Variants in MINPP1 observed in about 807,000 individuals in gnomAD.
The protein encoded by MINPP1 is multiple inositol polyphosphate phosphatase 1.
A neutral mutation model predicts 46.1 loss-of-function variants in MINPP1; 28 were observed. The observed-to-expected ratio is 0.61, with a 90% CI of 0.45 to 0.83. The LOEUF (loss-of-function observed/expected upper bound fraction) is 0.83. Ranked by LOEUF, MINPP1 falls within the 40% of genes least tolerant of loss-of-function variation. The pLI is 0.00. For synonymous variants in MINPP1, 268 were observed against 249.1 expected (o/e 1.08, Z -0.72); for missense variants, 603 against 610.0 (o/e 0.99, Z 0.12).
chr10:87,521,979 C>G (rs905252143), intron 4 of MINPP1, among the ~76,000 whole-genome samples: 1 of 152,132 alleles, frequency 6.6e-6, no homozygotes, highest in Non-Finnish European at 1.5e-5. Context: ...GCCACTGCAC[C>G]CAGCTGAGCA....
At chr10:87,511,844 C>T (rs1048730605) in intron 2 of MINPP1, among the ~76,000 whole-genome samples, 1 of 152,282 alleles carries the variant, frequency 6.6e-6, no homozygotes, top group East Asian at 1.9e-4. Context: ...CTGGTACTTA[C>T]AAGCCACTAT....
intron 4 of MINPP1, among the ~76,000 whole-genome samples, chr10:87,528,242 T>A (rs184482593): frequency 6.6e-6 from 1 of 152,220 alleles, no homozygotes; most frequent in African/African-American, 2.4e-5. Context: ...ATATCTTGCC[T>A]TCTGCTAGCT....
At chr10:87,550,107 T>TATATA (rs1428334243) in intron 4 of MINPP1, among the ~76,000 whole-genome samples, 1 of 152,214 alleles carries the variant, frequency 6.6e-6, no homozygotes, top group Admixed American at 6.5e-5. Context: ...GATTATGGTC[T>TATATA]TACGGGTATA....
Position 87,505,541 on chromosome 10 carries a change from CG to C in MINPP1, c.628del (p.Asp210ThrfsTer16), listed in dbSNP as rs1166976225. On this transcript the variant is annotated frameshift_variant, in exon 1 of 5. Coordinates refer to ENST00000371996, the MANE Select transcript of MINPP1 (RefSeq NM_004897.5). LOFTEE classifies it high-confidence loss of function. This position sits in a 1 kb window ranked among gnomAD's most constrained non-coding sequence, Gnocchi z 4.4. Reference sequence around the variant, plus strand: ...CACTACCACCCTGGCTTGCCGCCGCCGGACGTCGCAGGTGACCCCCCGGGCG... The same window carrying C: ...CACTACCACCCTGGCTTGCCGCCGCCGACGTCGCAGGTGACCCCCCGGGCG... The part of the protein sequence containing the change: ...WQHYHPGLPP[P>X]DVADMEFGPP... The C allele has an allele frequency of 6.2e-7, 1 of 1,606,582 alleles. No individual in the cohort carries two copies. The highest frequency in any genetic ancestry group is 8.5e-7 in the Non-Finnish European group (1 of 1,179,064).
chr10:87,518,046 A>G (rs1589373026), intron 3 of MINPP1, among the ~76,000 whole-genome samples: 4 of 125,254 alleles, frequency 3.2e-5, no homozygotes, highest in Admixed American at 2.7e-4. Flanking sequence ...TGCAAGCTCC[A>G]CCTCCCGGGT....
chr10:87,525,891 T>C (rs1851569793), intron 4 of MINPP1, among the ~76,000 whole-genome samples: 1 of 152,272 alleles, frequency 6.6e-6, no homozygotes, highest in South Asian at 2.1e-4. Flanking sequence ...GAACTCATCC[T>C]TTTTTATGGC....
chr10:87,508,508 A>C lies in MINPP1; in HGVS notation c.810A>C (p.Gln270His). 2 of 1,613,710 alleles carry C rather than the reference A, an allele frequency of 1.2e-6. No homozygotes were observed. The highest frequency in any genetic ancestry group is 1.7e-6 in the Non-Finnish European group (2 of 1,179,692). ...TAAAAAAAGTTGCAGCTACTTTGCAAGTGCCAGTAAATGATTTAAATGCAG... is the reference window on the plus strand; with the variant it reads ...TAAAAAAAGTTGCAGCTACTTTGCACGTGCCAGTAAATGATTTAAATGCAG... ...NILKKVAATL[Q>H]VPVNDLNADL... Residue 270 changes from glutamine (Q) to histidine (H), a missense_variant, in exon 2 of 5, where the codon CAA (glutamine) becomes CAC (histidine). Gln to His is a conservative substitution (Grantham distance 24). This residue lies in a region of MINPP1 where 344 missense variants were observed against 381.1 expected (regional missense o/e 0.90). Transcript: ENST00000371996.
At chr10:87,546,642 A>G (rs1324186736) in intron 4 of MINPP1, 3 of 152,230 alleles carry the variant, frequency 2.0e-5, no homozygotes, top group East Asian at 3.8e-4. Context: ...TTAAGAAACA[A>G]TCAGCTAGGT....
intron 1 of MINPP1, 71 bp from the exon 2 acceptor site, chr10:87,508,265 A>G: frequency 1.3e-6 from 2 of 1,583,738 alleles, no homozygotes; most frequent in Non-Finnish European, 1.7e-6. Context: ...CACACTTAAC[A>G]TTTTCAATAA....
chr10:87,542,002 C>T (rs952789625), intron 4 of MINPP1, among the ~76,000 whole-genome samples: 3 of 152,240 alleles, frequency 2.0e-5, no homozygotes, highest in South Asian at 4.1e-4. Context: ...ATCTCATATC[C>T]CCACATTTCA....
In MINPP1 at chr10:87,505,549, G is replaced by A. The variant is rs759333132; in HGVS notation, c.634G>A (p.Ala212Thr). The change falls in exon 1 of 5, where the codon GCA becomes ACA. Residue 212 changes from alanine to threonine, a missense_variant. By Grantham distance (58) the Ala-to-Thr change is moderately conservative. This residue lies in a region of MINPP1 where 344 missense variants were observed against 381.1 expected (regional missense o/e 0.90). Coordinates refer to ENST00000371996, the MANE Select transcript of MINPP1 (RefSeq NM_004897.5). This position sits in a 1 kb window ranked among gnomAD's most constrained non-coding sequence, Gnocchi z 4.4. Reference protein sequence around the residue: ...YHPGLPPPDVADMEFGPPTVN... With the variant: ...YHPGLPPPDVTDMEFGPPTVN... ...CCCTGGCTTGCCGCCGCCGGACGTC[G>A]CAGGTGACCCCCCGGGCGGCCCGTG... 62 of 1,603,806 alleles carry A rather than the reference G, an allele frequency of 3.9e-5. No individual in the cohort carries two copies. The highest frequency in any genetic ancestry group is 4.9e-5 in the Non-Finnish European group (58 of 1,178,700).
chr10:87,528,927 CTCT>C (rs1425728441), intron 4 of MINPP1, among the ~76,000 whole-genome samples: 1 of 152,176 alleles, frequency 6.6e-6, no homozygotes, highest in Non-Finnish European at 1.5e-5. Context: ...GGATAGTTAG[CTCT>C]TCTTGTTGAA....
intron 3 of MINPP1, among the ~76,000 whole-genome samples, chr10:87,516,064 A>C (rs1466369369): frequency 2.0e-5 from 1 of 50,764 alleles, no homozygotes. Context: ...CCTGAACTCA[A>C]GTGATCCGCC....
At chr10:87,522,969 G>T (rs548519159) in intron 4 of MINPP1, among the ~76,000 whole-genome samples, 1 of 152,128 alleles carries the variant, frequency 6.6e-6, no homozygotes. Context: ...TTCACCAGGC[G>T]TAGATTTCAT....
At chr10:87,550,034 C>G (rs908924962) in intron 4 of MINPP1, among the ~76,000 whole-genome samples, 3 of 152,082 alleles carry the variant, frequency 2.0e-5, no homozygotes, top group Admixed American at 6.6e-5. Flanking sequence ...TGGAATGATA[C>G]ATGTGCTGTG....
intron 3 of MINPP1, among the ~76,000 whole-genome samples, chr10:87,517,773 T>G (rs1415914386): frequency 6.6e-6 from 1 of 152,204 alleles, no homozygotes; most frequent in Non-Finnish European, 1.5e-5. Context: ...TCGATTCTCA[T>G]GCTTCAGCCT....
rs1399795915 is a variant in MINPP1 at position 87,508,082 on chromosome 10, C to T, written c.638-254C>T. 5.4e-6 allele frequency: 8 copies of T among 1,479,952 alleles called. No homozygotes were observed. In the Admixed American group the frequency reaches 7.4e-5, roughly 14 times the overall value. 91.7% of individuals were successfully genotyped at this position (1,479,952 alleles called of 1,614,324 possible). On this transcript the variant is annotated intron_variant, in intron 1 of 4. Coordinates refer to ENST00000371996, the MANE Select transcript of MINPP1 (RefSeq NM_004897.5). ...ATTAATGTATGATGCAATTTCATTG[C>T]GTAGCATCTCTACAACACATTTAAT...
intron 3 of MINPP1, among the ~76,000 whole-genome samples, chr10:87,517,730 C>T (rs1188562896): frequency 6.6e-6 from 1 of 152,132 alleles, no homozygotes; most frequent in African/African-American, 2.4e-5. Flanking sequence ...TACAGGTATA[C>T]CTGTTTCTGA....
At chr10:87,515,826 T>TC (rs1396236285) in intron 3 of MINPP1, among the ~76,000 whole-genome samples, 4 of 140,738 alleles carry the variant, frequency 2.8e-5, no homozygotes, top group Non-Finnish European at 6.2e-5. Context: ...TTAAGAATTT[T>TC]TTTTTTTTTT....
Sources: allele counts gnomAD v4.1 joint callset (sites outside exome capture counted in the v4.1 genomes callset), GRCh38; gene constraint gnomAD v4.1.1; regional missense constraint gnomAD v4.1.1; non-coding constraint Gnocchi (gnomAD v3.1); transcripts MANE v1.5; gene names NCBI Gene and HGNC (gene_info 2026-07-23, HGNC 2026-07-21).